Variants in NTNG1 observed in about 807,000 individuals in gnomAD.
The protein encoded by NTNG1 is netrin G1.
In NTNG1, 16 loss-of-function variants were observed where a neutral mutation model predicts 54.0. The ratio of observed to expected loss-of-function variants is 0.30; its 90% CI spans 0.20 to 0.45. The LOEUF is 0.45. Ranked by LOEUF, NTNG1 falls within the 20% of genes least tolerant of loss-of-function variation. The pLI, the probability that NTNG1 is intolerant of heterozygous loss-of-function variation, is 1.00. For synonymous variants in NTNG1, 255 were observed against 263.1 expected, an observed-to-expected ratio of 0.97 and a Z score of 0.30; for missense variants, 530 against 678.7, an observed-to-expected ratio of 0.78 and a Z score of 2.43.
At chr1:107,274,358 G>A (rs960432588) in intron 2 of NTNG1, among the ~76,000 whole-genome samples, 2 of 152,218 alleles carry the variant, frequency 1.3e-5, no homozygotes, top group African/African-American at 4.8e-5. Context: ...GGAGTCAGTA[G>A]AACTTGAGTT....
At chr1:107,198,152 G>A (rs1263235860) in intron 2 of NTNG1, among the ~76,000 whole-genome samples, 1 of 151,946 alleles carries the variant, frequency 6.6e-6, no homozygotes, top group Non-Finnish European at 1.5e-5. Context: ...AATTTAAACA[G>A]TGACTTTAAC....
intron 2 of NTNG1, among the ~76,000 whole-genome samples, chr1:107,294,013 TCAGA>T (rs1209451378): frequency 2.6e-5 from 4 of 152,154 alleles, no homozygotes; most frequent in African/African-American, 9.7e-5. Flanking sequence ...AAAGAGTAAA[TCAGA>T]CAGGCAGCAG....
intron 2 of NTNG1, among the ~76,000 whole-genome samples, chr1:107,256,903 G>A (rs879698933): frequency 6.6e-6 from 1 of 152,104 alleles, no homozygotes; most frequent in African/African-American, 2.4e-5. Flanking sequence ...CTGTCAAAAT[G>A]TCCAAATTGT....
intron 2 of NTNG1, among the ~76,000 whole-genome samples, chr1:107,187,255 T>A (rs1322737147): frequency 6.6e-6 from 1 of 152,186 alleles, no homozygotes; most frequent in Non-Finnish European, 1.5e-5. Flanking sequence ...TTCATTGTTA[T>A]ACCCTAGCAC....
chr1:107,218,764 G>A (rs980992883), intron 2 of NTNG1, among the ~76,000 whole-genome samples: 2 of 152,152 alleles, frequency 1.3e-5, no homozygotes, highest in African/African-American at 4.8e-5. Context: ...TTTGTTTAAG[G>A]AGGCTGAATA....
intron 3 of NTNG1, among the ~76,000 whole-genome samples, chr1:107,371,347 T>C (rs545492936): frequency 6.6e-6 from 1 of 152,200 alleles, no homozygotes; most frequent in Non-Finnish European, 1.5e-5. Context: ...CCTTTTTATA[T>C]ATTGTTGAAT....
At chr1:107,172,513 G>C (rs76184870) in intron 2 of NTNG1, among the ~76,000 whole-genome samples, 1 of 152,076 alleles carries the variant, frequency 6.6e-6, no homozygotes, top group Non-Finnish European at 1.5e-5. Flanking sequence ...TGGCAGTCTG[G>C]TTTCTGACTC....
chr1:107,263,535 G>C (rs1663513578), intron 2 of NTNG1, among the ~76,000 whole-genome samples: 1 of 152,106 alleles, frequency 6.6e-6, no homozygotes, highest in South Asian at 2.1e-4. Context: ...AGCACTTTGG[G>C]GAGGTTGCTT....
chr1:107,408,305 C>T lies in NTNG1; in HGVS notation c.1087+597C>T, dbSNP rs17018920. 4.8e-4 allele frequency: 77 copies of T among 160,600 alleles called. No homozygotes were observed. In the East Asian group the frequency reaches 0.011, roughly 23 times the overall value. The allele number at this position is 160,600 out of a possible 1,614,324, so 9.9% of individuals were successfully genotyped here. A position where few individuals can be genotyped will look rare whatever the true frequency, so the allele number is the denominator to read the frequency against. ...ACATTCATTTCTCCTTCCTAAAATA[C>T]GATGATCTATGTCTTCTTGACTACT... is the stretch of plus-strand genomic sequence containing the variant. On this transcript the variant is annotated intron_variant, in intron 5 of 7. Coordinates refer to ENST00000370068, the MANE Select transcript of NTNG1 (RefSeq NM_001113226.3).
chr1:107,181,545 G>A (rs569091956), intron 2 of NTNG1, among the ~76,000 whole-genome samples: 1 of 10,404 alleles, frequency 9.6e-5, no homozygotes, highest in South Asian at 3.5e-3. Context: ...AGTAGGGTTT[G>A]TGAGGAAAAA....
At position 107,480,794 on chromosome 1, in the gene NTNG1, T is replaced by C. The variant is rs1220819050; in HGVS notation, c.1574T>C (p.Leu525Pro). 6.3e-7 allele frequency: 1 copy of C among 1,592,628 alleles called. No individual in the cohort carries two copies. The highest frequency in any genetic ancestry group is 2.3e-5 in the East Asian group (1 of 44,092). Residue 525 changes from leucine to proline, a missense_variant, in exon 8 of 8, where the codon CTG (leucine) becomes CCG (proline). Transcript: ENST00000370068. The part of the protein sequence containing the change: ...GAPPHGSPAL[L>P]LLTTLLGTAS... ...CCCCCGCACGGCTCCCCAGCGCTGC[T>C]GCTGCTGACCACGCTGCTGGGAACC...
intron 3 of NTNG1, among the ~76,000 whole-genome samples, chr1:107,333,613 T>G (rs1312892499): frequency 1.4e-5 from 2 of 148,098 alleles, no homozygotes; most frequent in African/African-American, 5.0e-5. Flanking sequence ...CTTTGTAAGA[T>G]TGAAGGAAAT....
intron 3 of NTNG1, among the ~76,000 whole-genome samples, chr1:107,356,612 A>T (rs1164650731): frequency 1.3e-5 from 2 of 152,072 alleles, no homozygotes; most frequent in Non-Finnish European, 2.9e-5. Context: ...GAATGAATTA[A>T]CCAATTTATA....
intron 2 of NTNG1, among the ~76,000 whole-genome samples, chr1:107,152,560 G>A (rs1654657430): frequency 6.6e-6 from 1 of 152,176 alleles, no homozygotes; most frequent in Non-Finnish European, 1.5e-5. Context: ...GCTTTGAAAA[G>A]GAGCCTACAG....
chr1:107,250,267 A>G (rs1042769799), intron 2 of NTNG1, among the ~76,000 whole-genome samples: 1 of 152,250 alleles, frequency 6.6e-6, no homozygotes, highest in Non-Finnish European at 1.5e-5. Context: ...AAAGAACTGT[A>G]TGAAAATGAT....
chr1:107,453,404 C>T (rs1294324876), intron 7 of NTNG1, among the ~76,000 whole-genome samples: 1 of 152,130 alleles, frequency 6.6e-6, no homozygotes, highest in Non-Finnish European at 1.5e-5. Context: ...ACACTACAAA[C>T]GCATTTCATT....
chr1:107,268,512 T>A (rs1663911040), intron 2 of NTNG1, among the ~76,000 whole-genome samples: 1 of 151,712 alleles, frequency 6.6e-6, no homozygotes, highest in Admixed American at 6.6e-5. Flanking sequence ...GGCTTTTCTT[T>A]ACTGGTTTCC....
At chr1:107,249,175 A>AATAATAATG (rs958552765) in intron 2 of NTNG1, among the ~76,000 whole-genome samples, 1 of 149,630 alleles carries the variant, frequency 6.7e-6, no homozygotes, top group Non-Finnish European at 1.5e-5. Flanking sequence ...TAATAATAAT[A>AATAATAATG]ATAATAATTT....
At chr1:107,347,951 C>T (rs1669351835) in intron 3 of NTNG1, among the ~76,000 whole-genome samples, 2 of 152,084 alleles carry the variant, frequency 1.3e-5, no homozygotes, top group South Asian at 4.2e-4. Context: ...CCACCCTTGA[C>T]ACGTGGTGAT....
Sources: gnomAD v4.1 joint callset for allele counts (sites outside exome capture counted in the v4.1 genomes callset) on GRCh38, gnomAD v4.1.1 for gene constraint, MANE v1.5 for transcripts, NCBI Gene and HGNC (gene_info 2026-07-23, HGNC 2026-07-21) for gene names.